Variants in SPP2 observed in about 807,000 individuals in gnomAD.
SPP2 encodes the protein secreted phosphoprotein 24.
SPP2 carries 34 observed loss-of-function variants against 28.8 expected under a neutral mutation model. That is an observed-to-expected ratio of 1.18 (90% CI 0.90 to 1.57). The LOEUF is 1.57. SPP2 is among the 40% of genes most tolerant of loss of function. The pLI, the probability that SPP2 is intolerant of heterozygous loss-of-function variation, is 0.00. For synonymous variants in SPP2, 96 were observed against 89.4 expected (o/e 1.07, Z -0.42); for missense variants, 269 against 263.9 (o/e 1.02, Z -0.13).
intron 4 of SPP2, among the ~76,000 whole-genome samples, chr2:234,066,329 C>T (rs892720074): frequency 2.0e-5 from 3 of 152,148 alleles, no homozygotes; most frequent in Non-Finnish European, 2.9e-5. Flanking sequence ...TTAAACTTCA[C>T]GTAGTTTGCT....
In SPP2 at chr2:234,066,577, T is replaced by G. The variant is rs1465725762; in HGVS notation, c.489T>G (p.Asn163Lys). The G allele has an allele frequency of 6.2e-7, 1 of 1,611,676 alleles. No individual in the cohort carries two copies. The highest frequency in any genetic ancestry group is 1.3e-5 in the African/African-American group (1 of 74,874). ...TGGGATCTCATAAATGGAGAAACAA[T>G]TATCTATTTGGTAAGTTAAGATCTG... is the stretch of plus-strand genomic sequence containing the variant. ...DMLGSHKWRN[N>K]YLFGLISDES... The change falls in exon 5 of 8, where the codon AAT becomes AAG. Residue 163 changes from asparagine (N) to lysine (K), a missense_variant. Coordinates refer to ENST00000168148, the MANE Select transcript of SPP2 (RefSeq NM_006944.3).
chr2:234,073,997 A>C (rs1333450800), intron 7 of SPP2, among the ~76,000 whole-genome samples: 1 of 152,148 alleles, frequency 6.6e-6, no homozygotes, highest in South Asian at 2.1e-4. Context: ...GACCCATCTC[A>C]TACATTCTCT....
At position 234,051,005 on chromosome 2, in the gene SPP2, A is replaced by C. The variant is rs200706917; in HGVS notation, c.120A>C (p.Leu40Phe). The C allele has an allele frequency of 1.3e-5, 21 of 1,613,736 alleles. No homozygotes were observed. In the Middle Eastern group the frequency reaches 4.9e-4, roughly 38 times the overall value. ...FPVYDYDPSS[L>F]RDALSASVVK... ...TGTACGACTACGATCCATCCTCCTT[A>C]AGGGATGCCCTCAGTGCCTCTGTGG... The change falls in exon 2 of 8, where the codon TTA (leucine) becomes TTC (phenylalanine). Residue 40 changes from leucine to phenylalanine, a missense_variant. Coordinates refer to ENST00000168148, the MANE Select transcript of SPP2 (RefSeq NM_006944.3).
rs953765078 is a variant in SPP2, at chr2:234,070,083, C to T, written c.*10+60C>T. 14 of 1,367,352 alleles carry T rather than the reference C, an allele frequency of 1.0e-5. No individual in the cohort carries two copies. The Admixed American group carries it at 1.4e-4, about 13-fold the overall frequency. The allele number at this position is 1,367,352 out of a possible 1,614,324, so 84.7% of individuals were successfully genotyped here. On this transcript the variant is annotated intron_variant, in intron 7 of 7. Transcript: ENST00000168148. ...AAATAGAAGCTACGTGGAGTGAACG[C>T]CTTAAAACTGCTGACCTTCAAATAT...
intron 2 of SPP2, among the ~76,000 whole-genome samples, chr2:234,053,608 A>G (rs1252084579): frequency 6.6e-6 from 1 of 151,768 alleles, no homozygotes; most frequent in Non-Finnish European, 1.5e-5. Flanking sequence ...GTGAAGAACC[A>G]CTGGGTATTA....
At chr2:234,070,152 C>T (rs1690724426) in intron 7 of SPP2, 129 bp downstream of exon 7, 2 of 651,778 alleles carry the variant, frequency 3.1e-6, no homozygotes, top group Non-Finnish European at 5.3e-6. Flanking sequence ...CTTCTCTGAC[C>T]TCCTTCCCAA....
In SPP2 at chr2:234,068,485, A is replaced by G. The variant is rs576896251; in HGVS notation, c.550+1211A>G. Among the ~76,000 whole-genome samples the G allele has an allele frequency of 1.1e-4, 16 of 152,328 alleles. No homozygotes were observed. In the South Asian group the frequency reaches 2.9e-3, roughly 28 times the overall value. On this transcript the variant is annotated intron_variant, in intron 6 of 7. Transcript: ENST00000168148. The stretch of plus-strand genomic sequence containing the variant: ...ATTAAAATGAATAACAGAGATATTA[A>G]CATTTCAATGAGCTCAAAGTCTGAC...
At chr2:234,051,244 A>C (rs1559169241) in intron 2 of SPP2, 149 bp downstream of exon 2, 15 of 1,173,624 alleles carry the variant, frequency 1.3e-5, no homozygotes, top group Non-Finnish European at 1.7e-5. Context: ...TCTTTGACAG[A>C]GAAAGATTTA....
At chr2:234,069,517 G>A (rs1396040134) in intron 6 of SPP2, among the ~76,000 whole-genome samples, 1 of 152,148 alleles carries the variant, frequency 6.6e-6, no homozygotes, top group Non-Finnish European at 1.5e-5. Flanking sequence ...TGGGCCTGGG[G>A]GAGCATCATT....
intron 4 of SPP2, among the ~76,000 whole-genome samples, chr2:234,060,964 T>C (rs1693709588): frequency 6.6e-6 from 1 of 152,176 alleles, no homozygotes; most frequent in Non-Finnish European, 1.5e-5. Flanking sequence ...CAGGTCAGGA[T>C]ACTTGACTTT....
chr2:234,073,306 A>G (rs1241766408), intron 7 of SPP2, among the ~76,000 whole-genome samples: 6 of 152,242 alleles, frequency 3.9e-5, no homozygotes, highest in East Asian at 3.8e-4. Flanking sequence ...TGTCCATTTC[A>G]TAAGGCTAAG....
chr2:234,067,661 C>T (rs1051207056), intron 6 of SPP2, among the ~76,000 whole-genome samples: 5 of 151,614 alleles, frequency 3.3e-5, no homozygotes, highest in Non-Finnish European at 7.4e-5. Context: ...CCTGTAGTCC[C>T]AGCTACTCGG....
chr2:234,076,533 G>A (rs558795812), intron 7 of SPP2, among the ~76,000 whole-genome samples: 4 of 152,294 alleles, frequency 2.6e-5, no homozygotes, highest in South Asian at 4.1e-4. Context: ...CCCAGCAAAT[G>A]CTCAGTGCAT....
Position 234,051,011 on chromosome 2 carries a change from T to C in SPP2, c.126T>C (p.Asp42=), listed in dbSNP as rs768201739. 4.3e-6 allele frequency: 7 copies of C among 1,613,934 alleles called. No individual in the cohort carries two copies. Among genetic ancestry groups the C allele is most frequent in the Non-Finnish European group, 5.9e-6 (7 of 1,179,960 alleles). The change falls in exon 2 of 8, where the codon GAT becomes GAC. Residue 42 remains aspartate (D), a synonymous_variant. Coordinates refer to ENST00000168148, the MANE Select transcript of SPP2 (RefSeq NM_006944.3). ...ACTACGATCCATCCTCCTTAAGGGA[T>C]GCCCTCAGTGCCTCTGTGGTAAAAG... ...VYDYDPSSLR[D]ALSASVVKVN...
chr2:234,065,728 T>C (rs1450249411), intron 4 of SPP2, among the ~76,000 whole-genome samples: 1 of 152,242 alleles, frequency 6.6e-6, no homozygotes, highest in Non-Finnish European at 1.5e-5. Flanking sequence ...TTTCTCCCCC[T>C]CTATGGGTTG....
chr2:234,072,728 C>T (rs1179891904), intron 7 of SPP2, among the ~76,000 whole-genome samples: 4 of 152,086 alleles, frequency 2.6e-5, no homozygotes, highest in Non-Finnish European at 5.9e-5. Context: ...CATAGTGGGT[C>T]TAGTGAGGAG....
intron 2 of SPP2, among the ~76,000 whole-genome samples, chr2:234,057,246 G>A (rs1185263877): frequency 6.6e-6 from 1 of 152,148 alleles, no homozygotes; most frequent in Non-Finnish European, 1.5e-5. Context: ...AGAATTAAAT[G>A]TAAACACCTT....
At chr2:234,067,169 G>A in intron 5 of SPP2, 55 bp from the exon 6 acceptor site, 1 of 1,505,032 alleles carries the variant, frequency 6.6e-7, no homozygotes, top group Non-Finnish European at 9.3e-7. Flanking sequence ...TAAAGTCATA[G>A]AACATTCTGG....
At chr2:234,067,761 AG>A (rs56913511) in intron 6 of SPP2, among the ~76,000 whole-genome samples, 133,043 of 133,048 alleles carry the variant, frequency 1, 66,519 homozygotes, top group Middle Eastern at 1. Flanking sequence ...TGGGCGACAG[AG>A]GCCAGACTCC....
Sources: allele counts gnomAD v4.1 joint callset (sites outside exome capture counted in the v4.1 genomes callset), GRCh38; gene constraint gnomAD v4.1.1; transcripts MANE v1.5; gene names NCBI Gene and HGNC (gene_info 2026-07-23, HGNC 2026-07-21).